Variants in TEAD1 observed in about 807,000 individuals in gnomAD.
TEAD1 encodes transcriptional enhancer factor TEF-1.
Under a neutral mutation model 54.9 loss-of-function variants are expected in TEAD1, and 9 were observed. The observed-to-expected ratio is 0.16, with a 90% CI of 0.10 to 0.29. The LOEUF (loss-of-function observed/expected upper bound fraction) is 0.29. Ranked by LOEUF, TEAD1 falls within the 10% of genes least tolerant of loss-of-function variation. The pLI is 1.00. For synonymous variants in TEAD1, 200 were observed against 187.8 expected, an observed-to-expected ratio of 1.07 and a Z score of -0.53; for missense variants, 387 against 535.9, an observed-to-expected ratio of 0.72 and a Z score of 2.74.
chr11:12,782,087 T>C (rs1945566968), intron 3 of TEAD1, among the ~76,000 whole-genome samples: 1 of 151,264 alleles, frequency 6.6e-6, no homozygotes. Context: ...GAGGTGGAGG[T>C]TGCAGTGAGC....
chr11:12,735,182 G>A (rs76966830), intron 2 of TEAD1, among the ~76,000 whole-genome samples: 11,318 of 152,082 alleles, frequency 0.074, 1,378 homozygotes, highest in African/African-American at 0.26. Flanking sequence ...TGTTTTTTCC[G>A]GGTTAGAAAT....
intron 2 of TEAD1, among the ~76,000 whole-genome samples, chr11:12,748,703 A>G (rs1469092378): frequency 6.6e-6 from 1 of 152,160 alleles, no homozygotes; most frequent in Non-Finnish European, 1.5e-5. Flanking sequence ...ATCATCTCGT[A>G]TAACCAGGCT....
intron 2 of TEAD1, among the ~76,000 whole-genome samples, chr11:12,724,164 C>G (rs1055397267): frequency 6.6e-6 from 1 of 152,184 alleles, no homozygotes; most frequent in Admixed American, 6.5e-5. Context: ...ACTGTCCCCT[C>G]CGCAACAAAC....
chr11:12,877,011 C>A (rs1391754288), intron 5 of TEAD1, among the ~76,000 whole-genome samples: 1 of 152,082 alleles, frequency 6.6e-6, no homozygotes, highest in Non-Finnish European at 1.5e-5. Flanking sequence ...CAAGATTTGC[C>A]CTCTTTCTGG....
intron 10 of TEAD1, among the ~76,000 whole-genome samples, chr11:12,902,919 A>G (rs918996631): frequency 4.6e-5 from 7 of 152,046 alleles, no homozygotes; most frequent in African/African-American, 9.7e-5. Flanking sequence ...TAGCTCCACT[A>G]TAATAGAACC....
intron 5 of TEAD1, chr11:12,865,118 TGC>T: frequency 3.2e-6 from 2 of 622,224 alleles, no homozygotes; most frequent in Admixed American, 2.3e-5. Flanking sequence ...CGTGTGTGTG[TGC>T]GTGTGTATGT....
rs754315272 is a variant in TEAD1, at chr11:12,902,099, C to T, written c.859C>T (p.Leu287Phe). ...AAAGGGCCCTCAAAATGCCTTCTTC[C>T]TCGTAAAATTCTGGGTGAGTAAGAC... Residue 287 changes from leucine (L) to phenylalanine (F), a missense_variant, in exon 10 of 13, where the codon CTC becomes TTC. Physicochemically the swap from Leu to Phe is conservative, Grantham distance 22. Coordinates refer to ENST00000527636, the MANE Select transcript of TEAD1 (RefSeq NM_021961.6). 1 of 1,614,220 alleles carries T rather than the reference C, an allele frequency of 6.2e-7. No individual in the cohort carries two copies. The highest frequency in any genetic ancestry group is 1.7e-5 in the Admixed American group (1 of 60,024).
At chr11:12,918,046 G>C (rs1188203026) in intron 10 of TEAD1, among the ~76,000 whole-genome samples, 2 of 152,186 alleles carry the variant, frequency 1.3e-5, no homozygotes, top group East Asian at 3.8e-4. Flanking sequence ...GAAATAGTTT[G>C]TATCTCTGAT....
intron 12 of TEAD1, among the ~76,000 whole-genome samples, chr11:12,931,583 T>C (rs1949011320): frequency 6.6e-6 from 1 of 152,208 alleles, no homozygotes; most frequent in South Asian, 2.1e-4. Context: ...TGTTTTGTTT[T>C]GTTTTTGTTT....
At position 12,893,712 on chromosome 11, in the gene TEAD1, C is replaced by T. The variant is rs1027974359; in HGVS notation, c.700-8228C>T. Among the ~76,000 whole-genome samples, 9 of 152,080 alleles carry T rather than the reference C, an allele frequency of 5.9e-5. No homozygotes were observed. The East Asian group carries it at 7.7e-4, about 13-fold the overall frequency. ...AGTGGGAGGTGGGAAGGATGCATCT[C>T]GGTGTGAGATCCCGGAAGGAGGCAT... On this transcript the variant is annotated intron_variant, in intron 9 of 12. Coordinates refer to ENST00000527636, the MANE Select transcript of TEAD1 (RefSeq NM_021961.6).
At chr11:12,936,985 G>A in intron 12 of TEAD1, 124 bp from the exon 13 acceptor site, 2 of 688,224 alleles carry the variant, frequency 2.9e-6, no homozygotes, top group South Asian at 3.2e-5. Flanking sequence ...GACACAGAGT[G>A]AGGCTGAGCA....
chr11:12,902,229 T>G (rs1948436906), intron 10 of TEAD1, 116 bp downstream of exon 10: 6 of 1,368,488 alleles, frequency 4.4e-6, no homozygotes, highest in Non-Finnish European at 6.3e-6. Flanking sequence ...CTTCATGTGC[T>G]TCTGCACAAT....
At chr11:12,800,000 C>T (rs1273955407) in intron 3 of TEAD1, among the ~76,000 whole-genome samples, 4 of 152,014 alleles carry the variant, frequency 2.6e-5, no homozygotes, top group Admixed American at 2.6e-4. Context: ...TTTTGCAAGG[C>T]TTTTCTTGAT....
intron 3 of TEAD1, among the ~76,000 whole-genome samples, chr11:12,784,838 C>T (rs939418933): frequency 2.0e-5 from 3 of 152,122 alleles, no homozygotes; most frequent in Non-Finnish European, 2.9e-5. Flanking sequence ...TGCTGAGCTC[C>T]GTTTGGAGTT....
In TEAD1 at chr11:12,788,833, G is replaced by A. The variant is rs146788073; in HGVS notation, c.202+24399G>A. Among the ~76,000 whole-genome samples the A allele has an allele frequency of 2.5e-3, 374 of 152,350 alleles. 1 individual carries two copies. The highest frequency in any genetic ancestry group is 8.3e-3 in the African/African-American group (344 of 41,576). ...TAAAAGGCAGGCATTTCAGTTTAAA[G>A]TTATTTTTAGACTAGAGATTTTAGC... On this transcript the variant is annotated intron_variant, in intron 3 of 12. Coordinates refer to ENST00000527636, the MANE Select transcript of TEAD1 (RefSeq NM_021961.6).
intron 2 of TEAD1, among the ~76,000 whole-genome samples, chr11:12,719,584 G>T (rs1016879593): frequency 6.4e-5 from 9 of 140,300 alleles, no homozygotes; most frequent in African/African-American, 2.3e-4. Context: ...TGGGGGGAGG[G>T]GGGGCGGGGG....
chr11:12,873,159 C>G (rs998637632), intron 5 of TEAD1, among the ~76,000 whole-genome samples: 32 of 152,148 alleles, frequency 2.1e-4, no homozygotes, highest in African/African-American at 6.0e-4. Flanking sequence ...TTCATTGTGT[C>G]TTTATGTTTG....
chr11:12,783,334 A>G (rs1311763910), intron 3 of TEAD1, among the ~76,000 whole-genome samples: 1 of 151,866 alleles, frequency 6.6e-6, no homozygotes, highest in African/African-American at 2.4e-5. Context: ...GCTAGAGCCT[A>G]GCCCTCATGC....
At chr11:12,774,790 A>G (rs544157862) in intron 3 of TEAD1, among the ~76,000 whole-genome samples, 256 of 152,316 alleles carry the variant, frequency 1.7e-3, no homozygotes, top group Non-Finnish European at 2.1e-3. Flanking sequence ...CAAATATCGC[A>G]TGTTCTCACT....
Sources: gnomAD v4.1 joint callset for allele counts (sites outside exome capture counted in the v4.1 genomes callset) on GRCh38, gnomAD v4.1.1 for gene constraint, MANE v1.5 for transcripts, NCBI Gene and HGNC (gene_info 2026-07-23, HGNC 2026-07-21) for gene names.